Variants in LIPI observed in about 807,000 individuals in gnomAD.
LIPI encodes the protein lipase member I.
Under a neutral mutation model 50.6 loss-of-function variants are expected in LIPI, and 59 were observed. The ratio of observed to expected loss-of-function variants is 1.16; its 90% CI spans 0.94 to 1.45. The LOEUF (loss-of-function observed/expected upper bound fraction) is 1.45, where lower values mean the gene tolerates loss of function less well. Ranked by LOEUF, LIPI falls within the 40% of genes most tolerant of loss-of-function variation. The pLI is 0.00. For synonymous variants in LIPI, 203 were observed against 178.2 expected, an observed-to-expected ratio of 1.14 and a Z score of -1.11; for missense variants, 586 against 536.3, an observed-to-expected ratio of 1.09 and a Z score of -0.92.
chr21:14,151,417 C>G (rs768095300), intron 8 of LIPI, among the ~76,000 whole-genome samples: 2 of 152,142 alleles, frequency 1.3e-5, no homozygotes, highest in Non-Finnish European at 2.9e-5. Context: ...ACTGTAACTA[C>G]CTATACTGTG....
rs549965004 is a variant in LIPI, at chr21:14,120,051, G to A, written c.1296-10971C>T. On this transcript the variant is annotated intron_variant, in intron 9 of 9. Transcript: ENST00000681601. Reference sequence around the variant, plus strand: ...TGAATACCCTAAATCCAGCCACACTGTTACCAATAGAATATGTGGAACATG... The same window carrying A: ...TGAATACCCTAAATCCAGCCACACTATTACCAATAGAATATGTGGAACATG... 3.9e-5 allele frequency among the ~76,000 whole-genome samples: 6 copies of A among 152,314 alleles called. No individual in the cohort carries two copies. The East Asian group carries it at 1.2e-3, about 29-fold the overall frequency.
rs569771432 is a variant in LIPI, at chr21:14,164,560, G to A, written c.901+663C>T. Among the ~76,000 whole-genome samples, 4 of 152,276 alleles carry A rather than the reference G, an allele frequency of 2.6e-5. No individual in the cohort carries two copies. In the South Asian group the frequency reaches 8.3e-4, roughly 32 times the overall value. On this transcript the variant is annotated intron_variant, in intron 6 of 9. Coordinates refer to ENST00000681601, the MANE Select transcript of LIPI (RefSeq NM_001302998.2). ...AAACATCTCTGGGGAATTCTGCCAT[G>A]ATACTGACCAGATGTTTACATGCTC... is the stretch of plus-strand genomic sequence containing the variant.
At position 14,165,238 on chromosome 21, in the gene LIPI, A is replaced by T. The variant is rs2018634852; in HGVS notation, c.886T>A (p.Ser296Thr). ...CVDCDCFKEK[S>T]CPRLGYQAKL... ...TCTCTCTTACCCAGCCGAGGACATG[A>T]TTTTTCCTTAAAACAGTCACAGTCC... The change falls in exon 6 of 10, where the codon TCA becomes ACA. Residue 296 changes from serine (S) to threonine (T), a missense_variant. Ser to Thr is a moderately conservative substitution (Grantham distance 58). Transcript: ENST00000681601. 6.2e-7 allele frequency: 1 copy of T among 1,610,456 alleles called. No homozygotes were observed. The highest frequency in any genetic ancestry group is 1.3e-5 in the African/African-American group (1 of 74,954).
At chr21:14,180,183 T>TGTGGTTGG (rs1243246672) in intron 4 of LIPI, among the ~76,000 whole-genome samples, 1 of 152,158 alleles carries the variant, frequency 6.6e-6, no homozygotes, top group African/African-American at 2.4e-5. Flanking sequence ...CCTGGTAACT[T>TGTGGTTGG]GTGGTTGGAC....
intron 1 of LIPI, among the ~76,000 whole-genome samples, chr21:14,203,701 G>T (rs530091574): frequency 2.0e-5 from 3 of 151,874 alleles, no homozygotes; most frequent in Admixed American, 2.0e-4. Flanking sequence ...TGGGTAGGGG[G>T]GAGGGATAGC....
chr21:14,120,976 A>G (rs1270529418), intron 9 of LIPI, among the ~76,000 whole-genome samples: 1 of 152,210 alleles, frequency 6.6e-6, no homozygotes, highest in African/African-American at 2.4e-5. Flanking sequence ...AATTCAGGAA[A>G]CAGGAGCAGT....
chr21:14,110,129 A>C (rs1247283515), intron 9 of LIPI, among the ~76,000 whole-genome samples: 1 of 151,882 alleles, frequency 6.6e-6, no homozygotes, highest in Non-Finnish European at 1.5e-5. Context: ...ATAATAAAAA[A>C]GAAATATAGT....
chr21:14,210,933 C>A lies in LIPI; in HGVS notation c.-88G>T. ...TGAGGTTTCTCTTTGGTAGGATCAT[C>A]ACAGGCTGGCAGGTTCTTCTGTAAA... On this transcript the variant is annotated 5_prime_UTR_variant, in exon 1 of 10. Coordinates refer to ENST00000681601, the MANE Select transcript of LIPI (RefSeq NM_001302998.2). The A allele has an allele frequency of 5.4e-6, 6 of 1,117,880 alleles. No homozygotes were observed. Among genetic ancestry groups the A allele is most frequent in the South Asian group, 2.1e-5 (1 of 48,362 alleles). The allele number at this position is 1,117,880 out of a possible 1,614,324, so 69.2% of individuals were successfully genotyped here.
intron 4 of LIPI, among the ~76,000 whole-genome samples, chr21:14,181,140 A>G (rs1430111898): frequency 1.3e-5 from 2 of 152,176 alleles, no homozygotes; most frequent in Non-Finnish European, 1.5e-5. Context: ...ACACTGCCTA[A>G]TGTATAGGAA....
chr21:14,169,596 T>A (rs187645520), intron 4 of LIPI, among the ~76,000 whole-genome samples: 3 of 152,102 alleles, frequency 2.0e-5, no homozygotes, highest in Admixed American at 1.3e-4. Flanking sequence ...AACTGAACAA[T>A]CTGCTCCTGA....
At chr21:14,190,495 C>T (rs1231373438) in intron 1 of LIPI, among the ~76,000 whole-genome samples, 1 of 151,878 alleles carries the variant, frequency 6.6e-6, no homozygotes, top group Non-Finnish European at 1.5e-5. Context: ...AGAATCTATC[C>T]CAGAAAAACA....
intron 3 of LIPI, among the ~76,000 whole-genome samples, chr21:14,185,382 T>C (rs1051330600): frequency 6.6e-6 from 1 of 152,222 alleles, no homozygotes; most frequent in East Asian, 1.9e-4. Context: ...TCTGTATTCT[T>C]ACGATAGTAT....
At chr21:14,207,530 A>G (rs1239306698) in intron 1 of LIPI, among the ~76,000 whole-genome samples, 3 of 152,200 alleles carry the variant, frequency 2.0e-5, no homozygotes, top group African/African-American at 7.2e-5. Context: ...CACAAGCAAA[A>G]TAAAGTAGGT....
At chr21:14,210,775 A>G in intron 1 of LIPI, 25 bp downstream of exon 1, 5 of 996,160 alleles carry the variant, frequency 5.0e-6, no homozygotes, top group Non-Finnish European at 6.6e-6. Flanking sequence ...TTAAAGATAA[A>G]TCAAATTATT....
intron 8 of LIPI, among the ~76,000 whole-genome samples, chr21:14,146,623 C>T (rs1257974817): frequency 6.6e-6 from 1 of 152,088 alleles, no homozygotes; most frequent in African/African-American, 2.4e-5. Flanking sequence ...TGGCCTCAAC[C>T]TGACTGCCAC....
intron 9 of LIPI, among the ~76,000 whole-genome samples, chr21:14,129,280 T>G (rs1357883417): frequency 6.6e-6 from 1 of 151,992 alleles, no homozygotes; most frequent in African/African-American, 2.4e-5. Flanking sequence ...TAAAAATAAA[T>G]GTACAGAATG....
chr21:14,206,068 C>T (rs190714021), intron 1 of LIPI, among the ~76,000 whole-genome samples: 262 of 152,198 alleles, frequency 1.7e-3, no homozygotes, highest in African/African-American at 6.0e-3. Context: ...ACCAAAGACA[C>T]ATGGGGAAGT....
chr21:14,150,639 G>A (rs1238448954), intron 8 of LIPI, among the ~76,000 whole-genome samples: 4 of 152,074 alleles, frequency 2.6e-5, no homozygotes, highest in African/African-American at 9.7e-5. Context: ...ATAAATAATA[G>A]ATCATGTGTG....
intron 3 of LIPI, among the ~76,000 whole-genome samples, chr21:14,183,972 C>G (rs1209872750): frequency 1.3e-5 from 2 of 152,144 alleles, no homozygotes; most frequent in Non-Finnish European, 1.5e-5. Flanking sequence ...AATCCCATTA[C>G]TGGGTATATA....
Sources: allele counts gnomAD v4.1 joint callset (sites outside exome capture counted in the v4.1 genomes callset), GRCh38; gene constraint gnomAD v4.1.1; transcripts MANE v1.5; gene names NCBI Gene and HGNC (gene_info 2026-07-23, HGNC 2026-07-21).